Variants in CCDC146 observed in about 807,000 individuals in gnomAD.
CCDC146 encodes the protein coiled-coil domain containing 146, also known as coiled-coil domain-containing protein 146.
CCDC146 carries 92 observed loss-of-function variants against 119.3 expected under a neutral mutation model. The observed-to-expected ratio is 0.77, with a 90% CI of 0.65 to 0.92. The LOEUF (loss-of-function observed/expected upper bound fraction) is 0.92, where lower values mean the gene tolerates loss of function less well. Among genes scored for constraint, CCDC146 ranks in the 40% least tolerant of loss-of-function variants. CCDC146 has a pLI of 0.00. For missense variants in CCDC146, 1,000 were observed against 1,103.0 expected (o/e 0.91, Z 1.32); for synonymous variants, 372 against 371.8 (o/e 1.00, Z -0.01).
chr7:77,249,111 G>A (rs1358377127), intron 4 of CCDC146, among the ~76,000 whole-genome samples: 1 of 152,180 alleles, frequency 6.6e-6, no homozygotes, highest in African/African-American at 2.4e-5. Flanking sequence ...GTCTCCAGCT[G>A]TGAGAGTGGA....
chr7:77,203,847 AT>A (rs1364351088), intron 2 of CCDC146, among the ~76,000 whole-genome samples: 3 of 152,186 alleles, frequency 2.0e-5, no homozygotes, highest in Non-Finnish European at 4.4e-5. Flanking sequence ...ACATGGTGGG[AT>A]TTTAAAGTAG....
At chr7:77,204,592 A>C (rs1399334677) in intron 2 of CCDC146, among the ~76,000 whole-genome samples, 1 of 152,242 alleles carries the variant, frequency 6.6e-6, no homozygotes, top group Non-Finnish European at 1.5e-5. Context: ...ATAGTTATCC[A>C]ATATGCTAAT....
chr7:77,279,349 T>A (rs1793719615), intron 13 of CCDC146, among the ~76,000 whole-genome samples: 1 of 152,154 alleles, frequency 6.6e-6, no homozygotes, highest in Non-Finnish European at 1.5e-5. Flanking sequence ...TGTTCAAACA[T>A]CTTGTTTTAT....
intron 1 of CCDC146, among the ~76,000 whole-genome samples, chr7:77,160,833 A>G (rs985378659): frequency 1.3e-5 from 2 of 152,224 alleles, no homozygotes; most frequent in African/African-American, 4.8e-5. Context: ...AGAAACTACC[A>G]TCAGAGTGAA....
chr7:77,192,143 T>C (rs1791778930), intron 2 of CCDC146, among the ~76,000 whole-genome samples: 1 of 151,882 alleles, frequency 6.6e-6, no homozygotes, highest in East Asian at 1.9e-4. Context: ...GCCAGGCTGG[T>C]CTCACGTGAT....
intron 2 of CCDC146, among the ~76,000 whole-genome samples, chr7:77,206,677 A>ACG (rs1480881235): frequency 2.0e-5 from 3 of 149,182 alleles, no homozygotes; most frequent in South Asian, 2.1e-4. Flanking sequence ...ATATATACAC[A>ACG]CACACACACA....
intron 2 of CCDC146, among the ~76,000 whole-genome samples, chr7:77,176,667 C>T (rs116191582): frequency 0.014 from 2,112 of 152,256 alleles, 59 homozygotes; most frequent in African/African-American, 0.048. Context: ...GTATATTTAA[C>T]AACACAGTCT....
intron 2 of CCDC146, among the ~76,000 whole-genome samples, chr7:77,230,781 T>C (rs185048538): frequency 1.5e-3 from 231 of 152,330 alleles, no homozygotes; most frequent in Admixed American, 5.0e-3. Flanking sequence ...AGTTTTTTAT[T>C]TCTTTAAGTT....
intron 2 of CCDC146, among the ~76,000 whole-genome samples, chr7:77,181,677 A>T (rs192532081): frequency 1.3e-5 from 2 of 152,166 alleles, no homozygotes; most frequent in African/African-American, 4.8e-5. Context: ...CTCTTGATAC[A>T]TTTAGAAAGT....
At chr7:77,203,273 T>C (rs953259654) in intron 2 of CCDC146, among the ~76,000 whole-genome samples, 2 of 151,998 alleles carry the variant, frequency 1.3e-5, no homozygotes, top group Admixed American at 1.3e-4. Context: ...TTGCCTCTGA[T>C]TGCAGTTAAA....
chr7:77,154,307 G>A (rs1261180362), intron 1 of CCDC146, among the ~76,000 whole-genome samples: 1 of 148,144 alleles, frequency 6.8e-6, no homozygotes, highest in Non-Finnish European at 1.5e-5. Context: ...TTGCATTCAA[G>A]TTTTTTTTTT....
At chr7:77,249,724 C>T (rs907745176) in intron 4 of CCDC146, among the ~76,000 whole-genome samples, 2 of 152,036 alleles carry the variant, frequency 1.3e-5, no homozygotes, top group African/African-American at 4.8e-5. Flanking sequence ...GCAAACACAG[C>T]ATATAATTTG....
Position 77,196,952 on chromosome 7 carries a change from T to C in CCDC146, c.156+29128T>C. The C allele has an allele frequency of 6.2e-7, 1 of 1,610,962 alleles. No homozygotes were observed. The highest frequency in any genetic ancestry group is 8.5e-7 in the Non-Finnish European group (1 of 1,178,446). On this transcript the variant is annotated intron_variant, in intron 2 of 18. Coordinates refer to ENST00000285871, the MANE Select transcript of CCDC146 (RefSeq NM_020879.3). The surrounding 1 kb of genome is among the most constrained non-coding windows in gnomAD (Gnocchi z 4.2). ...ACTGCTTCTTTTGCCTATTGCGTAG[T>C]AGTCAGAGCAATCTTTATATATTAG...
At chr7:77,247,437 C>G (rs1466029848) in intron 4 of CCDC146, among the ~76,000 whole-genome samples, 2 of 152,172 alleles carry the variant, frequency 1.3e-5, no homozygotes, top group Non-Finnish European at 2.9e-5. Context: ...GGATCAATAC[C>G]TGGGAAGTAA....
intron 4 of CCDC146, among the ~76,000 whole-genome samples, chr7:77,253,048 G>A (rs1441841032): frequency 6.6e-6 from 1 of 152,242 alleles, no homozygotes; most frequent in Admixed American, 6.5e-5. Flanking sequence ...GCCAAAGGCA[G>A]ATCCTTATAA....
intron 2 of CCDC146, among the ~76,000 whole-genome samples, chr7:77,234,276 A>AT (rs1792692326): frequency 6.7e-6 from 1 of 148,392 alleles, no homozygotes; most frequent in Non-Finnish European, 1.5e-5. Context: ...AACTTATTAG[A>AT]TTTTAAAGCC....
chr7:77,146,592 T>C (rs1280042056), intron 1 of CCDC146, among the ~76,000 whole-genome samples: 1 of 152,230 alleles, frequency 6.6e-6, no homozygotes, highest in Non-Finnish European at 1.5e-5. Context: ...GGAGCTCTTT[T>C]AGGGAAAGCC....
intron 1 of CCDC146, among the ~76,000 whole-genome samples, chr7:77,151,117 T>G (rs1791103561): frequency 6.6e-6 from 1 of 152,310 alleles, no homozygotes; most frequent in East Asian, 1.9e-4. Context: ...GGTCGCAGAC[T>G]GCCAACTTCT....
intron 1 of CCDC146, among the ~76,000 whole-genome samples, chr7:77,163,174 G>A (rs1162076830): frequency 4.6e-5 from 7 of 152,272 alleles, no homozygotes; most frequent in East Asian, 3.9e-4. Flanking sequence ...AAGGCCAGGC[G>A]TGGTGGCTCA....
Sources: gnomAD v4.1 joint callset for allele counts (sites outside exome capture counted in the v4.1 genomes callset) on GRCh38, gnomAD v4.1.1 for gene constraint, Gnocchi (gnomAD v3.1) non-coding constraint, MANE v1.5 for transcripts, NCBI Gene and HGNC (gene_info 2026-07-23, HGNC 2026-07-21) for gene names.